Variants in PRKCE observed in about 807,000 individuals in gnomAD.
PRKCE encodes the protein protein kinase C epsilon.
PRKCE carries 16 observed loss-of-function variants against 85.4 expected under a neutral mutation model. The observed-to-expected ratio is 0.19, with a 90% confidence interval of 0.13 to 0.28. PRKCE has a LOEUF of 0.28. Ranked by LOEUF, PRKCE falls within the 10% of genes least tolerant of loss-of-function variation. PRKCE has a pLI of 1.00. For synonymous variants in PRKCE, 388 were observed against 371.5 expected (o/e 1.04, Z -0.51); for missense variants, 573 against 975.2 (o/e 0.59, Z 5.49).
chr2:45,771,248 G>A (rs553163822), intron 1 of PRKCE, among the ~76,000 whole-genome samples: 38 of 152,196 alleles, frequency 2.5e-4, no homozygotes, highest in Non-Finnish European at 3.8e-4. Context: ...AACAAAGGAC[G>A]GGGCTCAGGC....
chr2:45,941,135 C>G (rs953822153), intron 2 of PRKCE, among the ~76,000 whole-genome samples: 2 of 149,062 alleles, frequency 1.3e-5, no homozygotes, highest in Admixed American at 6.7e-5. Flanking sequence ...ATATACTAAC[C>G]GAAAGAGGGC....
intron 2 of PRKCE, among the ~76,000 whole-genome samples, chr2:45,916,947 G>GT (rs1697834229): frequency 6.6e-6 from 1 of 152,182 alleles, no homozygotes; most frequent in Non-Finnish European, 1.5e-5. Flanking sequence ...GACCTTCCCA[G>GT]TGTTACAGCT....
intron 7 of PRKCE, among the ~76,000 whole-genome samples, chr2:46,002,433 G>C (rs1405825631): frequency 6.6e-6 from 1 of 152,176 alleles, no homozygotes; most frequent in Non-Finnish European, 1.5e-5. Context: ...CCTGAATTTT[G>C]CCCTGAAATG....
chr2:45,770,129 G>A (rs1000684317), intron 1 of PRKCE, among the ~76,000 whole-genome samples: 3 of 152,192 alleles, frequency 2.0e-5, no homozygotes, highest in Non-Finnish European at 1.5e-5. Context: ...CTGCAGTAGC[G>A]GGTGCTATTG....
At chr2:45,915,709 G>A (rs966940465) in intron 2 of PRKCE, among the ~76,000 whole-genome samples, 1 of 152,134 alleles carries the variant, frequency 6.6e-6, no homozygotes, top group Non-Finnish European at 1.5e-5. Flanking sequence ...GAGCTCAGTC[G>A]CGGCCTTGTT....
rs148383152 is a variant in PRKCE at position 46,018,675 on chromosome 2, C to G, written c.1437+8158C>G. Among the ~76,000 whole-genome samples the G allele has an allele frequency of 1.3e-3, 201 of 152,336 alleles. 1 individual carries two copies. The highest frequency in any genetic ancestry group is 2.8e-3 in the Admixed American group (43 of 15,296). The stretch of plus-strand genomic sequence containing the variant: ...ATAAGAACAATTCACATGACTACTA[C>G]TAACATTTCGATGTGTATCATTCCA... On this transcript the variant is annotated intron_variant, in intron 10 of 14. Transcript: ENST00000306156.
chr2:45,810,542 G>A lies in PRKCE; in HGVS notation c.349-32458G>A, dbSNP rs541003068. On this transcript the variant is annotated intron_variant, in intron 1 of 14. Transcript: ENST00000306156. The stretch of plus-strand genomic sequence containing the variant: ...GCCTATAATTAGCTGCACAATGAAC[G>A]AATATTCCACTGCAATGTTAACTTC... Among the ~76,000 whole-genome samples the A allele has an allele frequency of 3.3e-5, 5 of 151,968 alleles. No homozygotes were observed. In the East Asian group the frequency reaches 5.8e-4, roughly 18 times the overall value.
chr2:45,825,866 C>T (rs185472660), intron 1 of PRKCE, among the ~76,000 whole-genome samples: 1 of 151,442 alleles, frequency 6.6e-6, no homozygotes, highest in East Asian at 1.9e-4. Context: ...CCAGCCTGGG[C>T]AACAGAGCAA....
At chr2:45,822,746 A>T (rs1390869208) in intron 1 of PRKCE, among the ~76,000 whole-genome samples, 1 of 152,100 alleles carries the variant, frequency 6.6e-6, no homozygotes, top group Non-Finnish European at 1.5e-5. Flanking sequence ...CATTGCTAAG[A>T]CTTTTCTATA....
At chr2:45,756,129 A>G (rs1262686738) in intron 1 of PRKCE, among the ~76,000 whole-genome samples, 1 of 152,204 alleles carries the variant, frequency 6.6e-6, no homozygotes, top group East Asian at 1.9e-4. Context: ...TTAAAACATG[A>G]TGCTGACTCC....
intron 10 of PRKCE, among the ~76,000 whole-genome samples, chr2:46,070,226 T>G (rs1667958997): frequency 6.6e-6 from 1 of 152,196 alleles, no homozygotes. Flanking sequence ...AGCAGAGACT[T>G]TGTGTTCTAG....
chr2:45,847,300 A>C (rs887037763), intron 2 of PRKCE, among the ~76,000 whole-genome samples: 1 of 152,204 alleles, frequency 6.6e-6, no homozygotes, highest in African/African-American at 2.4e-5. Flanking sequence ...GGACCATAGC[A>C]TGTGGTCCCC....
chr2:46,094,607 A>T (rs1212016339), intron 11 of PRKCE, among the ~76,000 whole-genome samples: 2 of 145,948 alleles, frequency 1.4e-5, no homozygotes, highest in Non-Finnish European at 3.0e-5. Context: ...GTGGGGAACT[A>T]CACACACTGG....
rs775965405 is a variant in PRKCE, at chr2:46,105,028, TTC to T, written c.1592+18667_1592+18668del. On this transcript the variant is annotated intron_variant, in intron 11 of 14. Coordinates refer to ENST00000306156, the MANE Select transcript of PRKCE (RefSeq NM_005400.3). ...TCTGTGACATCTTCCTTTTTTTTTT[TTC>T]CCCAGAATAGAGCACTTTTGCCTGC... 6.2e-3 allele frequency among the ~76,000 whole-genome samples: 925 copies of T among 148,974 alleles called. 3 individuals are homozygous for T. The highest frequency in any genetic ancestry group is 0.01 in the Non-Finnish European group (676 of 67,094).
chr2:45,776,616 G>A (rs1685768085), intron 1 of PRKCE, among the ~76,000 whole-genome samples: 1 of 152,156 alleles, frequency 6.6e-6, no homozygotes, highest in Admixed American at 6.5e-5. Flanking sequence ...ATCAAGACCT[G>A]CCTGTGAGAA....
At chr2:46,122,303 C>CTCACTGCAA (rs1425383947) in intron 11 of PRKCE, among the ~76,000 whole-genome samples, 1 of 152,196 alleles carries the variant, frequency 6.6e-6, no homozygotes, top group Non-Finnish European at 1.5e-5. Flanking sequence ...GTGATCTTGG[C>CTCACTGCAA]TCACTGCAAC....
In PRKCE at chr2:46,138,171, C is replaced by A. The variant is rs1675179290; in HGVS notation, c.1593-6922C>A. ...GATCTTCACTCCTACCGCAGGAGAGCCTTCATTGTGCCATCCTGCCTTGAA... is the reference window on the plus strand; with the variant it reads ...GATCTTCACTCCTACCGCAGGAGAGACTTCATTGTGCCATCCTGCCTTGAA... On this transcript the variant is annotated intron_variant, in intron 11 of 14. Transcript: ENST00000306156. This position sits in a 1 kb window ranked among gnomAD's most constrained non-coding sequence, Gnocchi z 4.2. 6.6e-6 allele frequency among the ~76,000 whole-genome samples: 1 copy of A among 152,310 alleles called. No homozygotes were observed. Among genetic ancestry groups the A allele is most frequent in the East Asian group, 1.9e-4 (1 of 5,184 alleles).
Position 46,089,937 on chromosome 2 carries a change from A to C in PRKCE, c.1592+3575A>C, listed in dbSNP as rs545542348. Among the ~76,000 whole-genome samples, 88 of 152,200 alleles carry C rather than the reference A, an allele frequency of 5.8e-4. No individual in the cohort carries two copies. In the Middle Eastern group the frequency reaches 0.017, roughly 29 times the overall value. On this transcript the variant is annotated intron_variant, in intron 11 of 14. Coordinates refer to ENST00000306156, the MANE Select transcript of PRKCE (RefSeq NM_005400.3). ...TTGTCCCTAGGATTCCCTTGCTCCT[A>C]ATCTGTGTCTGCATCAGTGGTTCCC...
intron 1 of PRKCE, among the ~76,000 whole-genome samples, chr2:45,719,333 A>T (rs1680416307): frequency 6.6e-6 from 1 of 152,250 alleles, no homozygotes; most frequent in South Asian, 2.1e-4. Flanking sequence ...TCAGCACTGG[A>T]TTAATCTTAC....
Sources: gnomAD v4.1 joint callset for allele counts (sites outside exome capture counted in the v4.1 genomes callset) on GRCh38, gnomAD v4.1.1 for gene constraint, Gnocchi (gnomAD v3.1) non-coding constraint, MANE v1.5 for transcripts, NCBI Gene and HGNC (gene_info 2026-07-23, HGNC 2026-07-21) for gene names.